AGAP1: variants seen among roughly 807,000 people sequenced by gnomAD.
AGAP1 encodes arf-GAP with GTPase, ANK repeat and PH domain-containing protein 1.
Under a neutral mutation model 105.3 loss-of-function variants are expected in AGAP1, and 29 were observed. The observed-to-expected ratio is 0.28, with a 90% CI of 0.21 to 0.38. AGAP1 has a LOEUF of 0.38. Among genes scored for constraint, AGAP1 ranks in the 10% least tolerant of loss-of-function variants. The pLI is 1.00. For missense variants in AGAP1, 998 were observed against 1,165.1 expected, an observed-to-expected ratio of 0.86 and a Z score of 2.09; for synonymous variants, 509 against 485.9, an observed-to-expected ratio of 1.05 and a Z score of -0.63.
At chr2:236,048,124 A>G (rs1176283108) in intron 15 of AGAP1, among the ~76,000 whole-genome samples, 3 of 152,198 alleles carry the variant, frequency 2.0e-5, no homozygotes, top group Non-Finnish European at 2.9e-5. Context: ...AGCATTGCCT[A>G]TTCCCAGGTG....
intron 1 of AGAP1, among the ~76,000 whole-genome samples, chr2:235,580,106 TATTTC>T (rs1944879588): frequency 6.6e-6 from 1 of 152,222 alleles, no homozygotes; most frequent in Non-Finnish European, 1.5e-5. Context: ...AGCTGAATGA[TATTTC>T]ATTGTATGGA....
intron 8 of AGAP1, among the ~76,000 whole-genome samples, chr2:235,805,693 G>A (rs1957802244): frequency 6.6e-6 from 1 of 152,120 alleles, no homozygotes; most frequent in African/African-American, 2.4e-5. Context: ...ACAGTATTAA[G>A]AATTAATTAA....
intron 9 of AGAP1, chr2:235,852,768 G>T: frequency 6.6e-7 from 1 of 1,507,372 alleles, no homozygotes; most frequent in South Asian, 1.2e-5. Flanking sequence ...TCCTCCCCCT[G>T]GCCAGGGCCG....
At chr2:235,817,754 G>A (rs1416137942) in intron 9 of AGAP1, among the ~76,000 whole-genome samples, 7 of 152,140 alleles carry the variant, frequency 4.6e-5, no homozygotes, top group Admixed American at 6.5e-5. Context: ...AGCCGGGCAC[G>A]GTGGCGCATG....
In AGAP1 at chr2:235,612,003, A is replaced by G. The variant is rs1203118993; in HGVS notation, c.164-97176A>G. On this transcript the variant is annotated intron_variant, in intron 1 of 17. Coordinates refer to ENST00000304032, the MANE Select transcript of AGAP1 (RefSeq NM_001037131.3). This position sits in a 1 kb window ranked among gnomAD's most constrained non-coding sequence, Gnocchi z 4.3. ...CGGCCTCCCTGCTAGGCAGTCCTCC[A>G]TCAATACTGATGTTAATAATTATGT... Among the ~76,000 whole-genome samples, 1 of 152,198 alleles carries G rather than the reference A, an allele frequency of 6.6e-6. No individual in the cohort carries two copies. Among genetic ancestry groups the G allele is most frequent in the Non-Finnish European group, 1.5e-5 (1 of 68,030 alleles).
rs546851325 is a variant in AGAP1, at chr2:235,754,715, C to T, written c.673+4227C>T. ...GAAGCAGCCTAGCAGGCTGGTTCATCCACCCAGTCACTCGTTCATCTGAGC... is the reference window on the plus strand; with the variant it reads ...GAAGCAGCCTAGCAGGCTGGTTCATTCACCCAGTCACTCGTTCATCTGAGC... On this transcript the variant is annotated intron_variant, in intron 6 of 17. Transcript: ENST00000304032. This position sits in a 1 kb window ranked among gnomAD's most constrained non-coding sequence, Gnocchi z 4.6. Among the ~76,000 whole-genome samples, 1 of 152,316 alleles carries T rather than the reference C, an allele frequency of 6.6e-6. No homozygotes were observed. The highest frequency in any genetic ancestry group is 2.1e-4 in the South Asian group (1 of 4,820).
chr2:236,040,986 T>A lies in AGAP1; in HGVS notation c.1891+145T>A. The stretch of plus-strand genomic sequence containing the variant: ...TTTTAGGAAATTGAGATATTTTGTT[T>A]GGATTTTACCTTAACAGAGTGCCTT... On this transcript the variant is annotated intron_variant, in intron 15 of 17. Transcript: ENST00000304032. This position sits in a 1 kb window ranked among gnomAD's most constrained non-coding sequence, Gnocchi z 5.6. 2 of 812,370 alleles carry A rather than the reference T, an allele frequency of 2.5e-6. No individual in the cohort carries two copies. The highest frequency in any genetic ancestry group is 3.9e-6 in the Non-Finnish European group (2 of 513,566). 50.3% of individuals were successfully genotyped at this position (812,370 alleles called of 1,614,324 possible).
At position 235,994,174 on chromosome 2, in the gene AGAP1, C is replaced by G. The variant is rs1028154387; in HGVS notation, c.1645+25551C>G. Among the ~76,000 whole-genome samples the G allele has an allele frequency of 3.3e-5, 5 of 152,156 alleles. No individual in the cohort carries two copies. Among genetic ancestry groups the G allele is most frequent in the Non-Finnish European group, 5.9e-5 (4 of 68,030 alleles). On this transcript the variant is annotated intron_variant, in intron 13 of 17. Coordinates refer to ENST00000304032, the MANE Select transcript of AGAP1 (RefSeq NM_001037131.3). The surrounding 1 kb of genome is among the most constrained non-coding windows in gnomAD (Gnocchi z 4.4). Reference sequence around the variant, plus strand: ...CTTCATAACATGGTTCCATATGTGTCCTTTTTAAGAGTCTTGTCGTTTCAT... The same window carrying G: ...CTTCATAACATGGTTCCATATGTGTGCTTTTTAAGAGTCTTGTCGTTTCAT...
chr2:236,071,564 G>C (rs939239542), intron 16 of AGAP1, among the ~76,000 whole-genome samples: 6 of 152,292 alleles, frequency 3.9e-5, no homozygotes, highest in Non-Finnish European at 8.8e-5. Flanking sequence ...TGTGCAGAGG[G>C]GACTCACGGT....
intron 16 of AGAP1, among the ~76,000 whole-genome samples, chr2:236,094,247 G>A: frequency 6.6e-6 from 1 of 151,192 alleles, no homozygotes; most frequent in Non-Finnish European, 1.5e-5. Context: ...TCGAGCCCAG[G>A]ATTTCCAGGT....
At chr2:235,870,093 C>T (rs1427557286) in intron 9 of AGAP1, among the ~76,000 whole-genome samples, 1 of 152,162 alleles carries the variant, frequency 6.6e-6, no homozygotes, top group African/African-American at 2.4e-5. Flanking sequence ...CATCTTCGGA[C>T]ACTAGCTACT....
intron 6 of AGAP1, chr2:235,783,275 G>A (rs1388115565): frequency 4.4e-6 from 2 of 452,760 alleles, no homozygotes; most frequent in Non-Finnish European, 9.1e-6. Context: ...GGCCTGAAGA[G>A]TCATTATAAC....
intron 9 of AGAP1, among the ~76,000 whole-genome samples, chr2:235,807,873 A>T (rs574660408): frequency 1.3e-5 from 2 of 152,286 alleles, no homozygotes; most frequent in East Asian, 3.9e-4. Flanking sequence ...TTTCATTTAG[A>T]CCTTATTATA....
intron 10 of AGAP1, among the ~76,000 whole-genome samples, chr2:235,897,725 C>G (rs1010491344): frequency 9.2e-5 from 14 of 152,158 alleles, no homozygotes; most frequent in African/African-American, 3.4e-4. Flanking sequence ...CAGCCGAGGA[C>G]TCAGTAGGAG....
rs551665470 is a variant in AGAP1, at chr2:235,555,728, C to A, written c.163+60879C>A. Among the ~76,000 whole-genome samples, 1 of 152,162 alleles carries A rather than the reference C, an allele frequency of 6.6e-6. No individual in the cohort carries two copies. Among genetic ancestry groups the A allele is most frequent in the Non-Finnish European group, 1.5e-5 (1 of 68,032 alleles). On this transcript the variant is annotated intron_variant, in intron 1 of 17. Transcript: ENST00000304032. This position sits in a 1 kb window ranked among gnomAD's most constrained non-coding sequence, Gnocchi z 5.1. ...GTCAGTCTCCTTCTGTGATTCAGACCGTAGTGAAGCCCTGGTTGGCTGAAG... is the reference window on the plus strand; with the variant it reads ...GTCAGTCTCCTTCTGTGATTCAGACAGTAGTGAAGCCCTGGTTGGCTGAAG...
chr2:235,969,642 T>C (rs904224319), intron 13 of AGAP1, among the ~76,000 whole-genome samples: 24 of 151,936 alleles, frequency 1.6e-4, no homozygotes, highest in African/African-American at 5.3e-4. Context: ...TTAGAGGGAG[T>C]GGCCCATCCC....
At chr2:235,679,538 C>A (rs1331046061) in intron 1 of AGAP1, among the ~76,000 whole-genome samples, 1 of 152,192 alleles carries the variant, frequency 6.6e-6, no homozygotes, top group African/African-American at 2.4e-5. Flanking sequence ...GAATAGAGTT[C>A]TCTTTTTTTC....
At chr2:236,070,319 T>G (rs1237606921) in intron 16 of AGAP1, among the ~76,000 whole-genome samples, 1 of 152,212 alleles carries the variant, frequency 6.6e-6, no homozygotes, top group East Asian at 1.9e-4. Flanking sequence ...AGAGCAGCAT[T>G]GAAATCCTCA....
intron 5 of AGAP1, among the ~76,000 whole-genome samples, chr2:235,745,244 C>T (rs995572909): frequency 4.6e-5 from 7 of 152,064 alleles, no homozygotes; most frequent in Non-Finnish European, 8.8e-5. Context: ...TTTCAGTGCA[C>T]CTTGAAAATA....
Sources: allele counts gnomAD v4.1 joint callset (sites outside exome capture counted in the v4.1 genomes callset), GRCh38; gene constraint gnomAD v4.1.1; non-coding constraint Gnocchi (gnomAD v3.1); transcripts MANE v1.5; gene names NCBI Gene and HGNC (gene_info 2026-07-23, HGNC 2026-07-21).